The following PIK3CB variants were observed in gnomAD, a reference collection of about 807,000 sequenced individuals.
PIK3CB encodes phosphatidylinositol-4,5-bisphosphate 3-kinase catalytic subunit beta.
PIK3CB carries 39 observed loss-of-function variants against 136.8 expected under a neutral mutation model. The observed-to-expected ratio is 0.29, with a 90% CI of 0.22 to 0.37. The LOEUF (loss-of-function observed/expected upper bound fraction) is 0.37. Among genes scored for constraint, PIK3CB ranks in the 10% least tolerant of loss-of-function variants. PIK3CB has a pLI of 1.00. For missense variants in PIK3CB, 868 were observed against 1,275.4 expected, an observed-to-expected ratio of 0.68 and a Z score of 4.87; for synonymous variants, 428 against 436.6, an observed-to-expected ratio of 0.98 and a Z score of 0.25.
intron 2 of PIK3CB, among the ~76,000 whole-genome samples, chr3:138,765,908 T>C (rs1220216827): frequency 6.6e-6 from 1 of 152,158 alleles, no homozygotes; most frequent in Non-Finnish European, 1.5e-5. Flanking sequence ...AACTCAGACA[T>C]TCAAGTCTAT....
At chr3:138,792,513 G>T (rs1051193632) in intron 2 of PIK3CB, among the ~76,000 whole-genome samples, 1 of 152,060 alleles carries the variant, frequency 6.6e-6, no homozygotes, top group Non-Finnish European at 1.5e-5. Context: ...AGGCGGAACT[G>T]CAGGCATTCG....
intron 1 of PIK3CB, among the ~76,000 whole-genome samples, chr3:138,831,914 T>C (rs1450778603): frequency 1.3e-5 from 2 of 152,070 alleles, no homozygotes; most frequent in African/African-American, 2.4e-5. Context: ...AGAGACTCCA[T>C]CTCAAAACAA....
chr3:138,662,123 T>C (rs957492083), intron 21 of PIK3CB, among the ~76,000 whole-genome samples: 1 of 151,770 alleles, frequency 6.6e-6, no homozygotes, highest in Non-Finnish European at 1.5e-5. Flanking sequence ...CTTTTTTTTT[T>C]TTTTTATTTT....
At chr3:138,762,905 G>T (rs1243752568) in intron 2 of PIK3CB, among the ~76,000 whole-genome samples, 1 of 151,300 alleles carries the variant, frequency 6.6e-6, no homozygotes, top group Non-Finnish European at 1.5e-5. Flanking sequence ...GGTTGCAGTG[G>T]GCCAAGATTA....
intron 1 of PIK3CB, among the ~76,000 whole-genome samples, chr3:138,813,190 CA>C (rs1163144877): frequency 1.3e-5 from 2 of 152,018 alleles, no homozygotes; most frequent in Non-Finnish European, 2.9e-5. Context: ...ACAATTCTAC[CA>C]GTGCTATTTA....
At chr3:138,709,092 G>A (rs1240112356) in intron 10 of PIK3CB, among the ~76,000 whole-genome samples, 1 of 150,832 alleles carries the variant, frequency 6.6e-6, no homozygotes, top group Admixed American at 6.6e-5. Flanking sequence ...AAAAAAAAAA[G>A]GCATTCATAT....
At chr3:138,704,421 A>G (rs1459137435) in intron 12 of PIK3CB, 22 bp downstream of exon 12, 1 of 1,543,100 alleles carries the variant, frequency 6.5e-7, no homozygotes. Context: ...AGAAAGGGCC[A>G]TTTAAAACTC....
intron 4 of PIK3CB, among the ~76,000 whole-genome samples, chr3:138,746,907 G>A (rs1272042194): frequency 6.6e-6 from 1 of 150,386 alleles, no homozygotes; most frequent in Non-Finnish European, 1.5e-5. Flanking sequence ...AAAGTGCAAG[G>A]TTTAGCACCT....
chr3:138,774,905 G>A (rs2045840515), intron 2 of PIK3CB, among the ~76,000 whole-genome samples: 1 of 152,218 alleles, frequency 6.6e-6, no homozygotes, highest in Non-Finnish European at 1.5e-5. Context: ...ATAAAGGCTG[G>A]CATTTATCCC....
chr3:138,671,916 G>T (rs892241980), intron 19 of PIK3CB, among the ~76,000 whole-genome samples: 1 of 152,168 alleles, frequency 6.6e-6, no homozygotes, highest in Non-Finnish European at 1.5e-5. Flanking sequence ...GTGGGCACAT[G>T]AAGAAAAAGT....
chr3:138,676,054 G>T (rs1577059918), intron 19 of PIK3CB, among the ~76,000 whole-genome samples: 1 of 152,080 alleles, frequency 6.6e-6, no homozygotes, highest in South Asian at 2.1e-4. Flanking sequence ...AAACATATTT[G>T]CAAATAATTT....
At chr3:138,673,937 T>C (rs1188429569) in intron 19 of PIK3CB, among the ~76,000 whole-genome samples, 1 of 152,204 alleles carries the variant, frequency 6.6e-6, no homozygotes, top group Non-Finnish European at 1.5e-5. Context: ...AGATCCCACT[T>C]ACAATACTAT....
chr3:138,679,630 C>A (rs1179555736), intron 19 of PIK3CB, among the ~76,000 whole-genome samples: 1 of 151,486 alleles, frequency 6.6e-6, no homozygotes, highest in Non-Finnish European at 1.5e-5. Flanking sequence ...GTCACACAAG[C>A]TGAAGTGCAG....
chr3:138,781,457 T>A (rs1017005074), intron 2 of PIK3CB, among the ~76,000 whole-genome samples: 3 of 129,258 alleles, frequency 2.3e-5, no homozygotes, highest in African/African-American at 1.1e-4. Context: ...TCTACAGAAA[T>A]TTTTTTTTTT....
intron 2 of PIK3CB, among the ~76,000 whole-genome samples, chr3:138,789,014 T>A (rs1336798100): frequency 6.7e-6 from 1 of 148,460 alleles, no homozygotes; most frequent in Non-Finnish European, 1.5e-5. Context: ...ACCACAGAGT[T>A]TTTTTTTTAT....
Position 138,831,286 on chromosome 3 carries a change from T to A in PIK3CB, c.-122+3409A>T, listed in dbSNP as rs62282175. Among the ~76,000 whole-genome samples, 795 of 85,536 alleles carry A rather than the reference T, an allele frequency of 9.3e-3. 9 individuals carry two copies. Among genetic ancestry groups the A allele is most frequent in the Middle Eastern group, 0.03 (4 of 134 alleles). 56.1% of individuals were successfully genotyped at this position (85,536 alleles called of 152,430 possible). On this transcript the variant is annotated intron_variant, in intron 1 of 23. Coordinates refer to ENST00000674063, the MANE Select transcript of PIK3CB (RefSeq NM_006219.3). ...TAAATAAAATAAAATAAAATAAAAT[T>A]AAATTAAATTAAAATTAAAAATAGT... is the stretch of plus-strand genomic sequence containing the variant.
At chr3:138,824,256 C>A (rs145382905) in intron 1 of PIK3CB, among the ~76,000 whole-genome samples, 1 of 152,258 alleles carries the variant, frequency 6.6e-6, no homozygotes, top group Non-Finnish European at 1.5e-5. Flanking sequence ...GAGGGCAAAT[C>A]AGCATTTGCC....
chr3:138,785,098 T>TG (rs1333085954), intron 2 of PIK3CB, among the ~76,000 whole-genome samples: 1 of 148,510 alleles, frequency 6.7e-6, no homozygotes, highest in African/African-American at 2.5e-5. Context: ...GTCCGGGAGG[T>TG]GGGGGGCAGC....
At chr3:138,707,527 T>C (rs925725201) in intron 10 of PIK3CB, 1 of 1,257,792 alleles carries the variant, frequency 8.0e-7, no homozygotes, top group Non-Finnish European at 1.0e-6. Context: ...ATGACTACTT[T>C]ACCTCTTAAT....
Sources: gnomAD v4.1 joint callset for allele counts (sites outside exome capture counted in the v4.1 genomes callset) on GRCh38, gnomAD v4.1.1 for gene constraint, MANE v1.5 for transcripts, NCBI Gene and HGNC (gene_info 2026-07-23, HGNC 2026-07-21) for gene names.